Variants in IQCK observed in about 807,000 individuals in gnomAD.
IQCK encodes the protein IQ domain-containing protein K.
Under a neutral mutation model 28.1 loss-of-function variants are expected in IQCK, and 29 were observed. The ratio of observed to expected loss-of-function variants is 1.03; its 90% CI spans 0.77 to 1.41. The LOEUF is 1.41. IQCK is among the 40% of genes most tolerant of loss of function. The pLI is 0.00. For missense variants in IQCK, 359 were observed against 314.7 expected (o/e 1.14, Z -1.07); for synonymous variants, 113 against 115.1 (o/e 0.98, Z 0.12).
chr16:19,761,416 C>G (rs1011767014), intron 4 of IQCK: 1 of 455,792 alleles, frequency 2.2e-6, no homozygotes, highest in Admixed American at 2.4e-5. Flanking sequence ...AAGCAGCTTC[C>G]TGAGGTACAG....
intron 4 of IQCK, among the ~76,000 whole-genome samples, chr16:19,747,956 C>T (rs1471480823): frequency 2.0e-5 from 3 of 152,044 alleles, no homozygotes; most frequent in African/African-American, 7.2e-5. Flanking sequence ...ATAATATGGA[C>T]CGGGTCACAG....
intron 9 of IQCK, among the ~76,000 whole-genome samples, chr16:19,841,811 G>A (rs2056364792): frequency 6.6e-6 from 1 of 151,396 alleles, no homozygotes; most frequent in Non-Finnish European, 1.5e-5. Context: ...AACATTAGGT[G>A]ATCAATAATG....
chr16:19,731,303 T>G (rs1488071057), intron 2 of IQCK, among the ~76,000 whole-genome samples: 1 of 152,136 alleles, frequency 6.6e-6, no homozygotes, highest in Non-Finnish European at 1.5e-5. Flanking sequence ...AGTTTAAAAT[T>G]TTTAAAAAGC....
downstream of IQCK, among the ~76,000 whole-genome samples, chr16:19,828,132 T>A (rs1303561119): frequency 6.6e-6 from 1 of 151,740 alleles, no homozygotes; most frequent in East Asian, 1.9e-4. Flanking sequence ...AGGCTAGTCT[T>A]GAACTCCTGA....
intron 7 of IQCK, among the ~76,000 whole-genome samples, chr16:19,821,298 A>G (rs1225541411): frequency 6.6e-6 from 1 of 152,248 alleles, no homozygotes; most frequent in Non-Finnish European, 1.5e-5. Context: ...TGGTGAGAAT[A>G]CAAGATGATT....
chr16:19,751,220 C>G (rs1348711878), intron 4 of IQCK, among the ~76,000 whole-genome samples: 1 of 152,100 alleles, frequency 6.6e-6, no homozygotes, highest in Non-Finnish European at 1.5e-5. Flanking sequence ...TGGCCAAGCA[C>G]AGTAGTTCAC....
intron 9 of IQCK, among the ~76,000 whole-genome samples, chr16:19,835,217 A>T (rs946257082): frequency 2.6e-5 from 4 of 151,596 alleles, no homozygotes; most frequent in Admixed American, 2.0e-4. Flanking sequence ...AGTGAGGTGG[A>T]GGTTGCAGTG....
At chr16:19,731,049 C>T (rs1280178384) in intron 2 of IQCK, among the ~76,000 whole-genome samples, 2 of 152,176 alleles carry the variant, frequency 1.3e-5, no homozygotes, top group Non-Finnish European at 2.9e-5. Context: ...TTAAATGGGA[C>T]AGATAATGCT....
intron 6 of IQCK, among the ~76,000 whole-genome samples, chr16:19,786,810 AGAGAAGGG>A (rs201783983): frequency 4.2e-4 from 37 of 88,390 alleles, no homozygotes; most frequent in African/African-American, 4.0e-3. Context: ...AGAGAGAGAG[AGAGAAGGG>A]AGGGAGGGAG....
At chr16:19,822,067 C>CAAAAAAAAAAAAAAAAAAAAAA (rs35060834) in intron 7 of IQCK, among the ~76,000 whole-genome samples, 17 of 64,542 alleles carry the variant, frequency 2.6e-4, no homozygotes, top group Non-Finnish European at 3.2e-4. Flanking sequence ...GACCCTGTCT[C>CAAAAAAAAAAAAAAAAAAAAAA]AAAAAAAAAA....
chr16:19,838,521 C>G (rs528554387), intron 9 of IQCK, among the ~76,000 whole-genome samples: 1 of 152,162 alleles, frequency 6.6e-6, no homozygotes, highest in African/African-American at 2.4e-5. Flanking sequence ...TGGAGCTAAC[C>G]GGGAGGGCAA....
chr16:19,817,171 C>T (rs542820970), intron 7 of IQCK, among the ~76,000 whole-genome samples: 4 of 152,038 alleles, frequency 2.6e-5, no homozygotes, highest in Non-Finnish European at 4.4e-5. Flanking sequence ...CTTGAAGGAG[C>T]AAATAGAGAC....
intron 7 of IQCK, among the ~76,000 whole-genome samples, chr16:19,812,100 G>C (rs941843213): frequency 6.7e-6 from 1 of 149,448 alleles, no homozygotes; most frequent in Non-Finnish European, 1.5e-5. Flanking sequence ...CAATTCTTCT[G>C]CCTTAGCCTC....
chr16:19,856,434 A>G, intron 9 of IQCK, 53 bp from the exon 9 acceptor site: 2 of 1,486,552 alleles, frequency 1.3e-6, no homozygotes, highest in Non-Finnish European at 1.9e-6. Flanking sequence ...CCCAATGACA[A>G]GCCTGTCTAC....
At chr16:19,755,457 G>A (rs2055039506) in intron 4 of IQCK, among the ~76,000 whole-genome samples, 3 of 152,210 alleles carry the variant, frequency 2.0e-5, no homozygotes, top group South Asian at 2.1e-4. Flanking sequence ...CAGGCAGACT[G>A]TAGCGTAGGG....
downstream of IQCK, among the ~76,000 whole-genome samples, chr16:19,828,199 A>G (rs2056174965): frequency 6.7e-6 from 1 of 148,892 alleles, no homozygotes; most frequent in Non-Finnish European, 1.5e-5. Context: ...GGCATGAGCC[A>G]GCGCGCCTGG....
chr16:19,856,776 TTCA>T, exon 10 of IQCK: 1 of 521,636 alleles, frequency 1.9e-6, no homozygotes, highest in South Asian at 2.5e-5. Flanking sequence ...ATTTTATTCA[TTCA>T]TCCAGATTAC....
chr16:19,754,067 G>A (rs2055020921), intron 4 of IQCK, among the ~76,000 whole-genome samples: 1 of 152,198 alleles, frequency 6.6e-6, no homozygotes, highest in African/African-American at 2.4e-5. Context: ...TCTAGGTGGG[G>A]TGAGGTGGGA....
intron 6 of IQCK, among the ~76,000 whole-genome samples, chr16:19,778,110 G>A (rs1025462129): frequency 6.6e-6 from 1 of 152,130 alleles, no homozygotes; most frequent in Non-Finnish European, 1.5e-5. Flanking sequence ...AGGCACATCT[G>A]GGCTCCAATC....
Sources: gnomAD v4.1 joint callset for allele counts (sites outside exome capture counted in the v4.1 genomes callset) on GRCh38, gnomAD v4.1.1 for gene constraint, MANE v1.5 for transcripts, NCBI Gene and HGNC (gene_info 2026-07-23, HGNC 2026-07-21) for gene names.